The following HAO2 variants were observed in gnomAD, a reference collection of about 807,000 sequenced individuals.
HAO2 encodes the protein hydroxyacid oxidase 2, also known as 2-Hydroxyacid oxidase 2.
HAO2 carries 42 observed loss-of-function variants against 37.4 expected under a neutral mutation model. That is an observed-to-expected ratio of 1.12 (90% CI 0.88 to 1.45). HAO2 has a LOEUF of 1.45. HAO2 is among the 40% of genes most tolerant of loss of function. The pLI, the probability that HAO2 is intolerant of heterozygous loss-of-function variation, is 0.00. For missense variants in HAO2, 476 were observed against 430.2 expected, an observed-to-expected ratio of 1.11 and a Z score of -0.94; for synonymous variants, 180 against 162.8, an observed-to-expected ratio of 1.11 and a Z score of -0.81.
Position 119,393,998 on chromosome 1 carries a change from G to A in HAO2, c.*158G>A, listed in dbSNP as rs1570804102. On this transcript the variant is annotated 3_prime_UTR_variant, in exon 8 of 8. Coordinates refer to ENST00000325945, the MANE Select transcript of HAO2 (RefSeq NM_016527.4). ...TAATACCACCACCCCTGTGCTTCAG[G>A]CCCTCCAAACCCCTGTGTTCCCCAA... The A allele has an allele frequency of 6.8e-7, 1 of 1,469,032 alleles. No homozygotes were observed. The highest frequency in any genetic ancestry group is 9.1e-7 in the Non-Finnish European group (1 of 1,101,842). The allele number at this position is 1,469,032 out of a possible 1,614,324, so 91.0% of individuals were successfully genotyped here.
At chr1:119,379,317 A>G (rs1252595641) in intron 1 of HAO2, among the ~76,000 whole-genome samples, 1 of 152,186 alleles carries the variant, frequency 6.6e-6, no homozygotes, top group Non-Finnish European at 1.5e-5. Flanking sequence ...CATTGTTTAT[A>G]CAAACAGTTT....
At chr1:119,370,602 G>A (rs941369325) in intron 1 of HAO2, among the ~76,000 whole-genome samples, 3 of 152,296 alleles carry the variant, frequency 2.0e-5, no homozygotes, top group African/African-American at 4.8e-5. Flanking sequence ...GCACAGAACC[G>A]TGGTGAGCCA....
chr1:119,392,597 G>C, intron 6 of HAO2, 21 bp from the exon 7 acceptor site: 3 of 1,549,792 alleles, frequency 1.9e-6, no homozygotes, highest in Non-Finnish European at 2.7e-6. Flanking sequence ...TTGTGTCTCT[G>C]TCTGTCTGCC....
At chr1:119,381,294 T>C in intron 2 of HAO2, 78 bp downstream of exon 2, 1 of 1,022,438 alleles carries the variant, frequency 9.8e-7, no homozygotes, top group Non-Finnish European at 1.5e-6. Context: ...GTAGTCCTGG[T>C]TTCTGCCTCC....
intron 7 of HAO2, among the ~76,000 whole-genome samples, chr1:119,393,387 T>C (rs1286694993): frequency 6.6e-6 from 1 of 152,182 alleles, no homozygotes; most frequent in Admixed American, 6.6e-5. Context: ...TAGAAGGCAA[T>C]TGTCATGTGG....
chr1:119,391,821 A>C (rs760447596), intron 5 of HAO2, among the ~76,000 whole-genome samples: 2 of 152,180 alleles, frequency 1.3e-5, no homozygotes, highest in Non-Finnish European at 2.9e-5. Flanking sequence ...ATAAGTGGAA[A>C]ATGTCCCTTT....
At chr1:119,390,021 C>T (rs1285191764) in intron 5 of HAO2, among the ~76,000 whole-genome samples, 1 of 152,020 alleles carries the variant, frequency 6.6e-6, no homozygotes, top group Non-Finnish European at 1.5e-5. Flanking sequence ...AGCCAATTAT[C>T]CCAGCAGCAT....
chr1:119,370,004 C>G (rs1380886435), intron 1 of HAO2: 1 of 152,110 alleles, frequency 6.6e-6, no homozygotes, highest in Non-Finnish European at 1.5e-5. Flanking sequence ...TTATTTCTTC[C>G]TTACACAATA....
At chr1:119,371,638 T>C (rs1049468509) in intron 1 of HAO2, among the ~76,000 whole-genome samples, 1 of 152,196 alleles carries the variant, frequency 6.6e-6, no homozygotes, top group African/African-American at 2.4e-5. Context: ...TATGTAATAT[T>C]GAACAAAGTA....
intron 1 of HAO2, among the ~76,000 whole-genome samples, chr1:119,369,239 C>A (rs1035740868): frequency 6.6e-6 from 1 of 152,172 alleles, no homozygotes; most frequent in East Asian, 1.9e-4. Context: ...TTGCTATTGC[C>A]TTCAGGGATA....
chr1:119,380,699 G>C, intron 1 of HAO2: 1 of 1,603,772 alleles, frequency 6.2e-7, no homozygotes. Context: ...GCTGATGGAA[G>C]ACAAGATGTG....
In HAO2 at chr1:119,382,901, GT is replaced by G; in HGVS notation, c.132-12del. 1 of 1,612,022 alleles carries G rather than the reference GT, an allele frequency of 6.2e-7. No individual in the cohort carries two copies. The highest frequency in any genetic ancestry group is 8.5e-7 in the Non-Finnish European group (1 of 1,178,640). On this transcript the variant is annotated splice_polypyrimidine_tract_variant and intron_variant, in intron 2 of 7. Coordinates refer to ENST00000325945, the MANE Select transcript of HAO2 (RefSeq NM_016527.4). Reference sequence around the variant, plus strand: ...CATCTCACCAACAGAAGATCTCTTTGTTGTCCGGCACAGAATTCGCCTCCGT... The same window carrying G: ...CATCTCACCAACAGAAGATCTCTTTGTGTCCGGCACAGAATTCGCCTCCGT...
chr1:119,374,657 T>C (rs1014111833), intron 1 of HAO2, among the ~76,000 whole-genome samples: 6 of 152,164 alleles, frequency 3.9e-5, no homozygotes, highest in African/African-American at 1.4e-4. Flanking sequence ...TACCCTGCAA[T>C]TTTCACGCTG....
rs1321102261 is a variant in HAO2, at chr1:119,386,768, C to T, written c.708C>T (p.His236=). The change falls in exon 5 of 8, where the codon CAC becomes CAT. Residue 236 remains histidine, a synonymous_variant. Coordinates refer to ENST00000325945, the MANE Select transcript of HAO2 (RefSeq NM_016527.4). ...AGGATGCAGAGTTAGCTGTGAAGCA[C>T]AATGTCCAGGGTATCATTGTTTCCA... ...TKEDAELAVK[H]NVQGIIVSNH... is the part of the protein sequence containing the mutation. The T allele has an allele frequency of 6.2e-7, 1 of 1,613,834 alleles. No individual in the cohort carries two copies.
chr1:119,371,176 G>A (rs931522947), intron 1 of HAO2, among the ~76,000 whole-genome samples: 1 of 152,126 alleles, frequency 6.6e-6, no homozygotes, highest in Non-Finnish European at 1.5e-5. Flanking sequence ...CTCCATACTG[G>A]CTCAAAGACA....
At chr1:119,385,504 C>T in intron 4 of HAO2, 1 of 807,110 alleles carries the variant, frequency 1.2e-6, no homozygotes, top group Non-Finnish European at 1.5e-6. Context: ...ACAGTCTAGA[C>T]AGGCCAGGTT....
In HAO2 at chr1:119,386,974, T is replaced by A. The variant is rs1650439609; in HGVS notation, c.771+143T>A. The A allele has an allele frequency of 1.9e-5, 12 of 628,244 alleles. No individual in the cohort carries two copies. In the South Asian group the frequency reaches 2.2e-4, roughly 12 times the overall value. The allele number at this position is 628,244 out of a possible 1,614,324, so 38.9% of individuals were successfully genotyped here. On this transcript the variant is annotated intron_variant, in intron 5 of 7. Transcript: ENST00000325945. ...TGTGTTGGTATGTATCTGTGAATTT[T>A]AAGGACTGTTAATTATTATTAGTAG...
intron 1 of HAO2, among the ~76,000 whole-genome samples, chr1:119,370,899 G>A (rs765935517): frequency 6.6e-6 from 1 of 152,204 alleles, no homozygotes; most frequent in South Asian, 2.1e-4. Flanking sequence ...GCCACTGTGA[G>A]ATATAGGTAC....
intron 1 of HAO2, among the ~76,000 whole-genome samples, chr1:119,371,078 G>A (rs1648958376): frequency 6.6e-6 from 1 of 152,148 alleles, no homozygotes; most frequent in South Asian, 2.1e-4. Flanking sequence ...CAATGGCCTG[G>A]ATTTTGTGGG....
Sources: allele counts gnomAD v4.1 joint callset (sites outside exome capture counted in the v4.1 genomes callset), GRCh38; gene constraint gnomAD v4.1.1; transcripts MANE v1.5; gene names NCBI Gene and HGNC (gene_info 2026-07-23, HGNC 2026-07-21).